The following POFUT3 variants were observed in gnomAD, a reference collection of about 807,000 sequenced individuals.
POFUT3 encodes protein O-fucosyltransferase 3, also known as GDP-fucose protein O-fucosyltransferase 3.
At chr8:33,431,261 A>G in the POFUT3 span, among the ~76,000 whole-genome samples, 1 of 151,926 alleles carries the variant, frequency 6.6e-6, no homozygotes, top group African/African-American at 2.4e-5. Flanking sequence ...AGTATACCCT[A>G]GTTGGCCAGG....
the POFUT3 span, among the ~76,000 whole-genome samples, chr8:33,427,412 T>C: frequency 6.6e-6 from 1 of 151,824 alleles, no homozygotes; most frequent in Non-Finnish European, 1.5e-5. Context: ...GCCCCGTCTC[T>C]ACTAAAAATG....
the POFUT3 span, among the ~76,000 whole-genome samples, chr8:33,369,496 G>C: frequency 2.0e-5 from 3 of 152,132 alleles, no homozygotes; most frequent in African/African-American, 7.2e-5. Context: ...TTTTGCTCCA[G>C]AACTGTGAGC....
At chr8:33,462,879 C>T in the POFUT3 span, among the ~76,000 whole-genome samples, 10 of 151,876 alleles carry the variant, frequency 6.6e-5, no homozygotes, top group South Asian at 1.9e-3. Context: ...TGCAGTAAGC[C>T]GTGACTGCAC....
At chr8:33,386,135 G>A in the POFUT3 span, among the ~76,000 whole-genome samples, 1 of 136,570 alleles carries the variant, frequency 7.3e-6, no homozygotes, top group Admixed American at 8.0e-5. Flanking sequence ...GTTGCAGTGA[G>A]CCGAGATCAC....
chr8:33,358,262 TAATA>T, the POFUT3 span, among the ~76,000 whole-genome samples: 1 of 151,892 alleles, frequency 6.6e-6, no homozygotes, highest in African/African-American at 2.4e-5. Flanking sequence ...CAAAAATAAA[TAATA>T]AATAAATTTT....
At chr8:33,404,514 A>G in the POFUT3 span, among the ~76,000 whole-genome samples, 4 of 152,196 alleles carry the variant, frequency 2.6e-5, no homozygotes, top group Non-Finnish European at 4.4e-5. Flanking sequence ...GAAATGGCAG[A>G]GTAAAAGGAC....
At chr8:33,454,629 C>T in the POFUT3 span, among the ~76,000 whole-genome samples, 1 of 152,068 alleles carries the variant, frequency 6.6e-6, no homozygotes, top group South Asian at 2.1e-4. Context: ...ATACATTTCC[C>T]TTCCATTTCA....
At chr8:33,322,317 G>A in the POFUT3 span, among the ~76,000 whole-genome samples, 1 of 152,070 alleles carries the variant, frequency 6.6e-6, no homozygotes, top group East Asian at 1.9e-4. Flanking sequence ...GGGGCCCTAA[G>A]CTGCTCCTGA....
chr8:33,313,870 T>A, the POFUT3 span, among the ~76,000 whole-genome samples: 2 of 152,080 alleles, frequency 1.3e-5, no homozygotes, highest in African/African-American at 4.8e-5. Context: ...CTAAGAAATA[T>A]TTATGGCTCC....
chr8:33,353,833 C>T, the POFUT3 span, among the ~76,000 whole-genome samples: 1 of 152,170 alleles, frequency 6.6e-6, no homozygotes, highest in East Asian at 1.9e-4. Flanking sequence ...AAGCCCAAAG[C>T]TTGCAACATC....
chr8:33,387,392 T>C, the POFUT3 span, among the ~76,000 whole-genome samples: 1 of 152,214 alleles, frequency 6.6e-6, no homozygotes, highest in South Asian at 2.1e-4. Context: ...CCCCATATGG[T>C]ATACATACAA....
the POFUT3 span, among the ~76,000 whole-genome samples, chr8:33,454,936 G>T: frequency 1.3e-5 from 2 of 152,056 alleles, no homozygotes; most frequent in Non-Finnish European, 2.9e-5. Context: ...AAAGTGCTAG[G>T]ATTACAGGCA....
the POFUT3 span, among the ~76,000 whole-genome samples, chr8:33,380,560 G>A: frequency 1.3e-5 from 2 of 151,986 alleles, no homozygotes; most frequent in Non-Finnish European, 2.9e-5. Flanking sequence ...AAAGTGACCA[G>A]GTACAGTGGC....
At chr8:33,434,704 G>A in the POFUT3 span, among the ~76,000 whole-genome samples, 1 of 152,194 alleles carries the variant, frequency 6.6e-6, no homozygotes, top group Non-Finnish European at 1.5e-5. Flanking sequence ...AGGACCACCT[G>A]GAATCAGCTA....
At chr8:33,461,257 C>T in the POFUT3 span, 2 of 1,111,922 alleles carry the variant, frequency 1.8e-6, no homozygotes, top group African/African-American at 3.2e-5. Context: ...AACCCTGATC[C>T]TGAACACCCC....
chr8:33,351,045 G>A, the POFUT3 span, among the ~76,000 whole-genome samples: 78 of 151,986 alleles, frequency 5.1e-4, no homozygotes, highest in South Asian at 3.1e-3. Context: ...GCACGATCTC[G>A]GCTCACTGCC....
the POFUT3 span, among the ~76,000 whole-genome samples, chr8:33,343,524 T>C: frequency 6.6e-6 from 1 of 152,054 alleles, no homozygotes; most frequent in African/African-American, 2.4e-5. Context: ...AAAAGAGATA[T>C]TAGCAATTAC....
the POFUT3 span, among the ~76,000 whole-genome samples, chr8:33,405,782 T>A: frequency 6.6e-6 from 1 of 152,212 alleles, no homozygotes; most frequent in South Asian, 2.1e-4. Context: ...CCAAGTGTCC[T>A]AAGCTTTTCT....
the POFUT3 span, among the ~76,000 whole-genome samples, chr8:33,462,916 G>A: frequency 6.6e-6 from 1 of 150,810 alleles, no homozygotes. Context: ...AGGCAACAGA[G>A]CAAGACCCTA....
Sources: gnomAD v4.1 joint callset for allele counts (sites outside exome capture counted in the v4.1 genomes callset) on GRCh38, gnomAD v4.1.1 for gene constraint, MANE v1.5 for transcripts, NCBI Gene and HGNC (gene_info 2026-07-23, HGNC 2026-07-21) for gene names.